Variants in RYR2 observed in about 807,000 individuals in gnomAD.
RYR2 encodes cardiac muscle ryanodine receptor-calcium release channel.
Under a neutral mutation model 601.1 loss-of-function variants are expected in RYR2, and 227 were observed. That is an observed-to-expected ratio of 0.38 (90% CI 0.34 to 0.42). The LOEUF (loss-of-function observed/expected upper bound fraction) is 0.42, where lower values mean the gene tolerates loss of function less well. Ranked by LOEUF, RYR2 falls within the 10% of genes least tolerant of loss-of-function variation. The pLI is 1.00. For synonymous variants in RYR2, 2,223 were observed against 2,175.1 expected (o/e 1.02, Z -0.61); for missense variants, 4,646 against 6,156.5 (o/e 0.75, Z 8.21).
rs192502133 is a variant in RYR2 at position 237,492,690 on chromosome 1, T to C, written c.1828-264T>C. Among the ~76,000 whole-genome samples, 5 of 151,954 alleles carry C rather than the reference T, an allele frequency of 3.3e-5. No individual in the cohort carries two copies. The East Asian group carries it at 9.7e-4, about 30-fold the overall frequency. On this transcript the variant is annotated intron_variant, in intron 18 of 104. Coordinates refer to ENST00000366574, the MANE Select transcript of RYR2 (RefSeq NM_001035.3). Reference sequence around the variant, plus strand: ...ACCCTGTCTTTACAAAAAAAGAAAATTAGCCAGATGTGGTGGCATGCACCT... The same window carrying C: ...ACCCTGTCTTTACAAAAAAAGAAAACTAGCCAGATGTGGTGGCATGCACCT...
Position 237,694,916 on chromosome 1 carries a change from T to C in RYR2, c.9068-4049T>C, listed in dbSNP as rs138176807. ...TCTGGCACAGTGGTATTTCACATTG[T>C]TAATAGAATTCTGCCAAGATTAATC... On this transcript the variant is annotated intron_variant, in intron 63 of 104. Coordinates refer to ENST00000366574, the MANE Select transcript of RYR2 (RefSeq NM_001035.3). 4.1e-3 allele frequency among the ~76,000 whole-genome samples: 619 copies of C among 152,286 alleles called. 9 individuals carry two copies. The highest frequency in any genetic ancestry group is 0.014 in the African/African-American group (578 of 41,580).
chr1:237,282,412 T>C, intron 2 of RYR2, among the ~76,000 whole-genome samples: 1 of 152,172 alleles, frequency 6.6e-6, no homozygotes, highest in East Asian at 1.9e-4. Context: ...GCAATTTTTT[T>C]TCAACTGTTG....
chr1:237,546,728 A>G (rs982483147), intron 25 of RYR2, among the ~76,000 whole-genome samples: 1 of 152,132 alleles, frequency 6.6e-6, no homozygotes, highest in Non-Finnish European at 1.5e-5. Context: ...AGTAAAATAG[A>G]AGTAACTAAG....
At chr1:237,178,632 C>A (rs1197258403) in intron 1 of RYR2, among the ~76,000 whole-genome samples, 5 of 151,890 alleles carry the variant, frequency 3.3e-5, no homozygotes, top group African/African-American at 9.7e-5. Flanking sequence ...CATAGTGATA[C>A]CCTGTCTCTA....
At chr1:237,292,771 T>C (rs1692368582) in intron 2 of RYR2, among the ~76,000 whole-genome samples, 1 of 152,110 alleles carries the variant, frequency 6.6e-6, no homozygotes, top group Non-Finnish European at 1.5e-5. Flanking sequence ...AAAGTTTGTG[T>C]TGGGGGAAGG....
intron 63 of RYR2, among the ~76,000 whole-genome samples, chr1:237,692,905 T>C (rs1240079021): frequency 3.3e-5 from 5 of 152,180 alleles, no homozygotes; most frequent in Admixed American, 3.3e-4. Context: ...GCATAAACTC[T>C]CAGCTCTGTG....
chr1:237,394,525 G>C (rs762371597), intron 10 of RYR2, among the ~76,000 whole-genome samples: 1 of 152,198 alleles, frequency 6.6e-6, no homozygotes, highest in Non-Finnish European at 1.5e-5. Context: ...ACCTGCCTGC[G>C]GCTCAGCTGC....
intron 1 of RYR2, among the ~76,000 whole-genome samples, chr1:237,155,169 T>TTTTTC (rs1365191665): frequency 2.4e-5 from 3 of 122,576 alleles, no homozygotes; most frequent in Admixed American, 1.1e-4. Flanking sequence ...TATATATATT[T>TTTTTC]TTTTCTTTTC....
chr1:237,822,623 A>C (rs1017721764), intron 101 of RYR2, among the ~76,000 whole-genome samples: 1 of 152,206 alleles, frequency 6.6e-6, no homozygotes, highest in Non-Finnish European at 1.5e-5. Context: ...TGCATCAACT[A>C]ATGGGCAGAA....
At chr1:237,379,099 G>A (rs570590129) in intron 8 of RYR2, among the ~76,000 whole-genome samples, 2 of 152,284 alleles carry the variant, frequency 1.3e-5, no homozygotes, top group East Asian at 3.9e-4. Flanking sequence ...GATCAGATAT[G>A]CATTTTGAAT....
intron 73 of RYR2, 55 bp downstream of exon 73, chr1:237,718,576 C>T (rs1033322863): frequency 2.3e-6 from 2 of 880,940 alleles, no homozygotes; most frequent in African/African-American, 1.7e-5. Flanking sequence ...TAGTTAATCT[C>T]TCTTTAAAAT....
At chr1:237,415,444 A>G (rs1704878122) in intron 10 of RYR2, among the ~76,000 whole-genome samples, 1 of 152,218 alleles carries the variant, frequency 6.6e-6, no homozygotes, top group South Asian at 2.1e-4. Context: ...TATCTAAAGA[A>G]ATAGACAATT....
intron 3 of RYR2, among the ~76,000 whole-genome samples, chr1:237,336,903 TCA>T (rs1262640828): frequency 1.3e-5 from 2 of 150,932 alleles, no homozygotes; most frequent in Non-Finnish European, 2.9e-5. Context: ...AACACTTGTG[TCA>T]TTCTTTTTAT....
At chr1:237,680,396 TCCCA>T in intron 61 of RYR2, 56 bp from the exon 62 acceptor site, 1 of 1,484,288 alleles carries the variant, frequency 6.7e-7, no homozygotes, top group Non-Finnish European at 9.3e-7. Flanking sequence ...AAGCCTCAGC[TCCCA>T]TTCATCCCCT....
chr1:237,769,749 T>G (rs1017626028), intron 84 of RYR2, among the ~76,000 whole-genome samples: 37 of 151,886 alleles, frequency 2.4e-4, no homozygotes, highest in African/African-American at 8.7e-4. Flanking sequence ...CTTTTTTTTT[T>G]TTTTTTTAAT....
At chr1:237,732,383 A>G (rs1191724490) in intron 78 of RYR2, among the ~76,000 whole-genome samples, 1 of 152,166 alleles carries the variant, frequency 6.6e-6, no homozygotes, top group Non-Finnish European at 1.5e-5. Context: ...GTAATTAATG[A>G]TGTAGTTGAT....
At chr1:237,674,323 A>G in intron 59 of RYR2, 104 bp downstream of exon 59, 1 of 891,036 alleles carries the variant, frequency 1.1e-6, no homozygotes, top group Non-Finnish European at 1.8e-6. Context: ...ATCTGTTTAC[A>G]CTTTTGAGGT....
At chr1:237,425,310 A>G (rs1442985384) in intron 12 of RYR2, among the ~76,000 whole-genome samples, 2 of 152,146 alleles carry the variant, frequency 1.3e-5, no homozygotes, top group Non-Finnish European at 2.9e-5. Context: ...TATAGGGATC[A>G]CCAACACCCC....
intron 27 of RYR2, chr1:237,554,911 A>T (rs899662703): frequency 2.0e-5 from 3 of 151,994 alleles, no homozygotes; most frequent in African/African-American, 7.2e-5. Flanking sequence ...GATTTTATAA[A>T]TCTTTTCAAA....
Sources: allele counts gnomAD v4.1 joint callset (sites outside exome capture counted in the v4.1 genomes callset), GRCh38; gene constraint gnomAD v4.1.1; transcripts MANE v1.5; gene names NCBI Gene and HGNC (gene_info 2026-07-23, HGNC 2026-07-21).